Variants in GRM5 observed in about 807,000 individuals in gnomAD.
GRM5 encodes the protein glutamate metabotropic receptor 5.
A neutral mutation model predicts 83.1 loss-of-function variants in GRM5; 19 were observed. The observed-to-expected ratio is 0.23, with a 90% CI of 0.16 to 0.34. The LOEUF (loss-of-function observed/expected upper bound fraction) is 0.34. Among genes scored for constraint, GRM5 ranks in the 10% least tolerant of loss-of-function variants. The pLI is 1.00. For synonymous variants in GRM5, 675 were observed against 633.6 expected, an observed-to-expected ratio of 1.07 and a Z score of -0.98; for missense variants, 1,160 against 1,588.3, an observed-to-expected ratio of 0.73 and a Z score of 4.58.
At chr11:88,552,757 A>G (rs1343131174) in intron 8 of GRM5, among the ~76,000 whole-genome samples, 2 of 152,166 alleles carry the variant, frequency 1.3e-5, no homozygotes, top group East Asian at 3.9e-4. Flanking sequence ...GGATGGTCAG[A>G]AATGCCCCAG....
intron 2 of GRM5, among the ~76,000 whole-genome samples, chr11:89,003,588 C>G (rs539737908): frequency 3.1e-4 from 47 of 152,074 alleles, no homozygotes; most frequent in Non-Finnish European, 5.7e-4. Context: ...AGATTAATGG[C>G]AAATTTTTAA....
chr11:88,550,472 A>G (rs532259269), intron 8 of GRM5, among the ~76,000 whole-genome samples: 1 of 152,328 alleles, frequency 6.6e-6, no homozygotes, highest in Non-Finnish European at 1.5e-5. Flanking sequence ...CCGTGTACCA[A>G]TTTAGTTCAA....
At chr11:88,693,060 C>A (rs1940816984) in intron 3 of GRM5, among the ~76,000 whole-genome samples, 1 of 151,820 alleles carries the variant, frequency 6.6e-6, no homozygotes, top group Non-Finnish European at 1.5e-5. Context: ...TAACAGACTG[C>A]AGAATTAAGG....
rs555772754 is a variant in GRM5 at position 88,648,559 on chromosome 11, C to T, written c.1147+4609G>A. Reference sequence around the variant, plus strand: ...GGGAGATATACCTAATGCTAGATGACGAGTTAGTGGGTGCAGTGCACCAGC... The same window carrying T: ...GGGAGATATACCTAATGCTAGATGATGAGTTAGTGGGTGCAGTGCACCAGC... On this transcript the variant is annotated intron_variant, in intron 4 of 9. Coordinates refer to ENST00000305447, the MANE Select transcript of GRM5 (RefSeq NM_001143831.3). 8.3e-3 allele frequency among the ~76,000 whole-genome samples: 1,092 copies of T among 132,234 alleles called. 15 individuals carry two copies. Among genetic ancestry groups the T allele is most frequent in the African/African-American group, 0.029 (1,015 of 35,166 alleles). 86.8% of individuals were successfully genotyped at this position (132,234 alleles called of 152,430 possible).
chr11:88,990,929 A>G (rs1173337177), intron 2 of GRM5, among the ~76,000 whole-genome samples: 2 of 152,338 alleles, frequency 1.3e-5, no homozygotes, highest in African/African-American at 2.4e-5. Context: ...AAAAACTGGA[A>G]GCATTCCCTT....
At chr11:88,670,248 AG>A (rs1940156677) in intron 3 of GRM5, among the ~76,000 whole-genome samples, 1 of 152,064 alleles carries the variant, frequency 6.6e-6, no homozygotes, top group Non-Finnish European at 1.5e-5. Context: ...TCAAAATTCA[AG>A]ATAGATTGTA....
At chr11:88,850,251 A>G (rs1197319780) in intron 2 of GRM5, 96 bp from the exon 3 acceptor site, 8 of 767,480 alleles carry the variant, frequency 1.0e-5, no homozygotes, top group African/African-American at 8.7e-5. Context: ...CATGAAAGTC[A>G]TTGGTATGGG....
intron 8 of GRM5, among the ~76,000 whole-genome samples, chr11:88,559,234 C>T (rs1341750842): frequency 2.0e-5 from 3 of 152,042 alleles, no homozygotes; most frequent in African/African-American, 7.2e-5. Context: ...CAGAAGTGTG[C>T]AGTGCAATAA....
chr11:88,656,083 C>G (rs1441655355), intron 3 of GRM5, among the ~76,000 whole-genome samples: 1 of 151,940 alleles, frequency 6.6e-6, no homozygotes, highest in Non-Finnish European at 1.5e-5. Flanking sequence ...TAAGAAAAAA[C>G]CTTTCTGCCA....
At chr11:88,658,146 T>A (rs986574652) in intron 3 of GRM5, among the ~76,000 whole-genome samples, 5 of 152,098 alleles carry the variant, frequency 3.3e-5, no homozygotes, top group African/African-American at 9.7e-5. Flanking sequence ...CATAGGATGG[T>A]GAATCCTATC....
chr11:88,600,028 G>T lies in GRM5; in HGVS notation c.1395-2676C>A, dbSNP rs118076647. On this transcript the variant is annotated intron_variant, in intron 5 of 9. Transcript: ENST00000305447. The stretch of plus-strand genomic sequence containing the variant: ...ACTGTCTCAAAACAAAACAAAACAA[G>T]AAAACAGTAATTCAGTGTGCTCTTT... Among the ~76,000 whole-genome samples, 1,459 of 152,166 alleles carry T rather than the reference G, an allele frequency of 9.6e-3. 17 individuals carry two copies. Among genetic ancestry groups the T allele is most frequent in the East Asian group, 0.065 (338 of 5,174 alleles).
intron 8 of GRM5, among the ~76,000 whole-genome samples, chr11:88,562,523 T>C (rs1314676082): frequency 2.0e-5 from 3 of 152,158 alleles, no homozygotes; most frequent in Non-Finnish European, 4.4e-5. Flanking sequence ...CAAAAAGTTC[T>C]GTAAGGTGGC....
At chr11:88,839,190 A>T (rs1244522284) in intron 3 of GRM5, among the ~76,000 whole-genome samples, 2 of 152,144 alleles carry the variant, frequency 1.3e-5, no homozygotes, top group Non-Finnish European at 2.9e-5. Flanking sequence ...TAAACAACTG[A>T]CCTTTGCATG....
chr11:88,772,606 C>T (rs1352602628), intron 3 of GRM5, among the ~76,000 whole-genome samples: 1 of 152,062 alleles, frequency 6.6e-6, no homozygotes, highest in Non-Finnish European at 1.5e-5. Context: ...CCCAGCCCCC[C>T]ATACCCCTAC....
At chr11:88,569,725 C>T (rs1217053341) in intron 7 of GRM5, among the ~76,000 whole-genome samples, 1 of 152,198 alleles carries the variant, frequency 6.6e-6, no homozygotes, top group Non-Finnish European at 1.5e-5. Context: ...TCCCTGAGAA[C>T]CATGGACCCC....
intron 9 of GRM5, among the ~76,000 whole-genome samples, chr11:88,512,851 T>A (rs141145181): frequency 2.2e-4 from 33 of 152,350 alleles, no homozygotes; most frequent in African/African-American, 7.9e-4. Context: ...CAATGCCATT[T>A]TGAACCCTGG....
chr11:88,735,720 A>G (rs1386585295), intron 3 of GRM5, among the ~76,000 whole-genome samples: 1 of 152,042 alleles, frequency 6.6e-6, no homozygotes, highest in Non-Finnish European at 1.5e-5. Context: ...AAATAATTCA[A>G]CATCCTTTCA....
At chr11:88,957,201 A>G (rs1938644767) in intron 2 of GRM5, among the ~76,000 whole-genome samples, 1 of 152,214 alleles carries the variant, frequency 6.6e-6, no homozygotes, top group African/African-American at 2.4e-5. Context: ...TCACTAAGAA[A>G]GGAATGGATG....
chr11:88,625,198 G>C (rs80351014), intron 4 of GRM5, among the ~76,000 whole-genome samples: 3,558 of 152,214 alleles, frequency 0.023, 124 homozygotes, highest in African/African-American at 0.079. Flanking sequence ...GGGTGCCGAA[G>C]TTCCAGAGAG....
Sources: allele counts gnomAD v4.1 joint callset (sites outside exome capture counted in the v4.1 genomes callset), GRCh38; gene constraint gnomAD v4.1.1; transcripts MANE v1.5; gene names NCBI Gene and HGNC (gene_info 2026-07-23, HGNC 2026-07-21).